The following RGS6 variants were observed in gnomAD, a reference collection of about 807,000 sequenced individuals.
RGS6 encodes the protein regulator of G-protein signaling 6.
A neutral mutation model predicts 78.5 loss-of-function variants in RGS6; 30 were observed. That is an observed-to-expected ratio of 0.38 (90% CI 0.29 to 0.52). The LOEUF is 0.52. RGS6 is among the 20% of genes least tolerant of loss of function. The pLI is 0.85. For missense variants in RGS6, 495 were observed against 609.7 expected (o/e 0.81, Z 1.98); for synonymous variants, 206 against 206.0 (o/e 1.00, Z 0.00).
chr14:72,441,258 C>T (rs2095187283), intron 3 of RGS6, among the ~76,000 whole-genome samples: 2 of 152,152 alleles, frequency 1.3e-5, no homozygotes, highest in Admixed American at 6.5e-5. Flanking sequence ...CCTAGCCTCC[C>T]TCCCTTCAGT....
the RGS6 span, among the ~76,000 whole-genome samples, chr14:72,582,322 G>T: frequency 6.6e-6 from 1 of 152,138 alleles, no homozygotes; most frequent in Non-Finnish European, 1.5e-5. Flanking sequence ...CCGCCTGCTT[G>T]TGGGCTCCTA....
chr14:72,347,063 T>C (rs372132245), intron 2 of RGS6, among the ~76,000 whole-genome samples: 64 of 152,316 alleles, frequency 4.2e-4, no homozygotes, highest in African/African-American at 1.4e-3. Flanking sequence ...CCAAGTGGTT[T>C]CTCTGCATCG....
intron 3 of RGS6, among the ~76,000 whole-genome samples, chr14:72,406,244 C>T (rs1026451315): frequency 2.0e-5 from 3 of 152,030 alleles, no homozygotes; most frequent in Admixed American, 6.5e-5. Context: ...ATCAGCCGGG[C>T]GCAGTGGCAC....
chr14:72,556,941 T>TA (rs1429474945), intron 17 of RGS6, among the ~76,000 whole-genome samples: 1 of 152,224 alleles, frequency 6.6e-6, no homozygotes, highest in Non-Finnish European at 1.5e-5. Flanking sequence ...AAAAATATTT[T>TA]AAAACCACAT....
intron 3 of RGS6, among the ~76,000 whole-genome samples, chr14:72,410,828 C>A (rs1277485112): frequency 2.6e-5 from 4 of 152,170 alleles, no homozygotes; most frequent in African/African-American, 7.2e-5. Flanking sequence ...AATAGGGAAT[C>A]CTTTCCCCAT....
At position 72,478,414 on chromosome 14, in the gene RGS6, C is replaced by T. The variant is rs1225321988; in HGVS notation, c.854+85C>T. 3.1e-6 allele frequency: 3 copies of T among 974,918 alleles called. No individual in the cohort carries two copies. The Admixed American group carries it at 6.1e-5, about 20-fold the overall frequency. The allele number at this position is 974,918 out of a possible 1,614,324, so 60.4% of individuals were successfully genotyped here. Reference sequence around the variant, plus strand: ...CAGGGTTATGGTTAACGAATGTGTTCAATGCCAAGAGTTAGACTGTAGTTA... The same window carrying T: ...CAGGGTTATGGTTAACGAATGTGTTTAATGCCAAGAGTTAGACTGTAGTTA... On this transcript the variant is annotated intron_variant, in intron 12 of 17. Coordinates refer to ENST00000553525, the MANE Select transcript of RGS6 (RefSeq NM_001204424.2).
At chr14:72,581,788 C>A in the RGS6 span, among the ~76,000 whole-genome samples, 40 of 152,368 alleles carry the variant, frequency 2.6e-4, no homozygotes, top group African/African-American at 9.1e-4. Context: ...GAAACCTTCT[C>A]TGATTCCTCT....
At chr14:72,475,036 T>C (rs2096200871) in intron 10 of RGS6, among the ~76,000 whole-genome samples, 1 of 151,574 alleles carries the variant, frequency 6.6e-6, no homozygotes, top group Non-Finnish European at 1.5e-5. Context: ...GGTGGGGGGC[T>C]TCCCAAGGGC....
chr14:72,321,542 G>C (rs1431388286), intron 2 of RGS6, among the ~76,000 whole-genome samples: 1 of 151,978 alleles, frequency 6.6e-6, no homozygotes. Context: ...AAAAAGGAAA[G>C]TAGAGGCCAA....
intron 2 of RGS6, among the ~76,000 whole-genome samples, chr14:72,075,133 G>T (rs549345938): frequency 6.6e-4 from 100 of 152,292 alleles, no homozygotes; most frequent in African/African-American, 2.2e-3. Flanking sequence ...GGCATGCACA[G>T]ATATAGTTTC....
In RGS6 at chr14:72,256,954, T is replaced by C. The variant is rs570229483; in HGVS notation, c.85-95141T>C. ...GCAGTAATCCTCTGAAATATGTATG[T>C]GCACCCCAAAAACATGTCATTGAGA... On this transcript the variant is annotated intron_variant, in intron 2 of 17. Transcript: ENST00000553525. 3.3e-5 allele frequency among the ~76,000 whole-genome samples: 5 copies of C among 152,302 alleles called. No individual in the cohort carries two copies. The South Asian group carries it at 1.0e-3, about 32-fold the overall frequency.
intron 2 of RGS6, among the ~76,000 whole-genome samples, chr14:71,975,211 A>AT (rs2153090538): frequency 6.6e-6 from 1 of 152,238 alleles, no homozygotes; most frequent in Admixed American, 6.5e-5. Flanking sequence ...TTTTTTCTAG[A>AT]TTTAGAATTC....
At chr14:71,868,821 C>T in the RGS6 span, among the ~76,000 whole-genome samples, 1 of 152,118 alleles carries the variant, frequency 6.6e-6, no homozygotes, top group African/African-American at 2.4e-5. Context: ...CGGGGCATTC[C>T]TAATGATGGG....
chr14:72,105,870 A>T (rs765208027), intron 2 of RGS6, among the ~76,000 whole-genome samples: 1 of 152,222 alleles, frequency 6.6e-6, no homozygotes, highest in Non-Finnish European at 1.5e-5. Flanking sequence ...AAGTTTGTAG[A>T]GAGATACCCA....
intron 2 of RGS6, among the ~76,000 whole-genome samples, chr14:72,119,589 C>T (rs2095996899): frequency 6.6e-6 from 1 of 152,114 alleles, no homozygotes; most frequent in African/African-American, 2.4e-5. Context: ...CATATATACT[C>T]ACAGATCAAA....
intron 11 of RGS6, among the ~76,000 whole-genome samples, chr14:72,478,028 A>T (rs1287072009): frequency 6.6e-6 from 1 of 152,126 alleles, no homozygotes; most frequent in Non-Finnish European, 1.5e-5. Context: ...GCAAGACTTA[A>T]ATCACACCAC....
chr14:71,932,379 T>C (rs893173439), upstream of RGS6: 1 of 151,246 alleles, frequency 6.6e-6, no homozygotes, highest in Non-Finnish European at 1.5e-5. Flanking sequence ...GCAGCTCCGC[T>C]CGGCATCCGA....
chr14:72,329,277 C>T (rs1269023262), intron 2 of RGS6, among the ~76,000 whole-genome samples: 1 of 152,256 alleles, frequency 6.6e-6, no homozygotes, highest in Non-Finnish European at 1.5e-5. Context: ...TGAACACATG[C>T]TTCACGGCGC....
intron 2 of RGS6, among the ~76,000 whole-genome samples, chr14:72,277,451 G>T (rs1219122046): frequency 1.3e-5 from 2 of 152,012 alleles, no homozygotes; most frequent in African/African-American, 2.4e-5. Flanking sequence ...CAAAAAATGA[G>T]CTGGGAGTGG....
Sources: gnomAD v4.1 joint callset for allele counts (sites outside exome capture counted in the v4.1 genomes callset) on GRCh38, gnomAD v4.1.1 for gene constraint, MANE v1.5 for transcripts, NCBI Gene and HGNC (gene_info 2026-07-23, HGNC 2026-07-21) for gene names.